Variants in HYCC1 observed in about 807,000 individuals in gnomAD.
HYCC1 encodes hyccin PI4KA lipid kinase complex subunit 1.
chr7:22,926,534 T>C, the HYCC1 span, among the ~76,000 whole-genome samples: 3 of 152,170 alleles, frequency 2.0e-5, no homozygotes, highest in African/African-American at 7.2e-5. Flanking sequence ...GTTCCAATCC[T>C]AGTCTCAGAT....
chr7:22,957,494 T>C, the HYCC1 span, among the ~76,000 whole-genome samples: 3 of 151,874 alleles, frequency 2.0e-5, no homozygotes, highest in South Asian at 6.2e-4. Flanking sequence ...AAAGGGCCAA[T>C]TGCTTTCTTC....
chr7:22,960,833 T>C, the HYCC1 span, among the ~76,000 whole-genome samples: 2 of 152,170 alleles, frequency 1.3e-5, no homozygotes, highest in African/African-American at 2.4e-5. Context: ...CCTGATCACC[T>C]GAGGTCGGGA....
the HYCC1 span, chr7:22,945,100 C>G: frequency 1.3e-5 from 2 of 158,776 alleles, no homozygotes; most frequent in African/African-American, 4.8e-5. Flanking sequence ...GGCTTCCTGA[C>G]CAGGAGCTAG....
At chr7:22,942,726 A>C in the HYCC1 span, 5 of 152,214 alleles carry the variant, frequency 3.3e-5, no homozygotes, top group Non-Finnish European at 7.3e-5. Context: ...TGTGACCATC[A>C]GCATCTTTAT....
At chr7:22,970,055 T>C in the HYCC1 span, among the ~76,000 whole-genome samples, 8 of 139,618 alleles carry the variant, frequency 5.7e-5, no homozygotes, top group African/African-American at 2.1e-4. Flanking sequence ...TGGTCACTCA[T>C]CTTTTAAACT....
the HYCC1 span, among the ~76,000 whole-genome samples, chr7:22,925,272 C>A: frequency 1.3e-5 from 2 of 152,132 alleles, no homozygotes; most frequent in Non-Finnish European, 2.9e-5. Context: ...AAAATCAGAG[C>A]GCCTCTCCTC....
chr7:22,956,975 T>A, the HYCC1 span, among the ~76,000 whole-genome samples: 1 of 151,904 alleles, frequency 6.6e-6, no homozygotes, highest in African/African-American at 2.4e-5. Context: ...TTGTGAATAA[T>A]TCTTAACCTT....
At chr7:22,917,729 C>A in the HYCC1 span, among the ~76,000 whole-genome samples, 2 of 152,202 alleles carry the variant, frequency 1.3e-5, no homozygotes, top group Non-Finnish European at 2.9e-5. Context: ...GTTTCTCAGG[C>A]TCTTGGTATT....
chr7:22,995,820 C>T, the HYCC1 span, among the ~76,000 whole-genome samples: 7 of 151,880 alleles, frequency 4.6e-5, no homozygotes, highest in East Asian at 1.9e-4. Context: ...AAAGAGAGTA[C>T]GGAAAGAGGA....
At chr7:22,898,619 T>C in the HYCC1 span, among the ~76,000 whole-genome samples, 1 of 143,726 alleles carries the variant, frequency 7.0e-6, no homozygotes, top group Non-Finnish European at 1.5e-5. Context: ...TTTTTTTTTT[T>C]TGAGACAGAG....
chr7:22,959,357 T>C, the HYCC1 span, among the ~76,000 whole-genome samples: 160 of 152,284 alleles, frequency 1.1e-3, no homozygotes, highest in African/African-American at 3.7e-3. Context: ...ATTTTCTCTA[T>C]AGAAACCACA....
the HYCC1 span, among the ~76,000 whole-genome samples, chr7:22,958,200 A>G: frequency 6.6e-6 from 1 of 152,084 alleles, no homozygotes; most frequent in Non-Finnish European, 1.5e-5. Flanking sequence ...TTTCAAATTC[A>G]GCCGAACATG....
At chr7:22,955,527 T>TA in the HYCC1 span, among the ~76,000 whole-genome samples, 1 of 151,654 alleles carries the variant, frequency 6.6e-6, no homozygotes, top group Non-Finnish European at 1.5e-5. Flanking sequence ...AACTATAACT[T>TA]AATTAGGGGA....
At chr7:22,954,974 T>C in the HYCC1 span, among the ~76,000 whole-genome samples, 1 of 151,524 alleles carries the variant, frequency 6.6e-6, no homozygotes, top group African/African-American at 2.4e-5. Context: ...ATTTTGTCTA[T>C]GTAATTTCTA....
chr7:22,960,464 A>G, the HYCC1 span: 1 of 1,437,296 alleles, frequency 7.0e-7, no homozygotes, highest in Non-Finnish European at 9.8e-7. Context: ...GATAGAGCAG[A>G]TATATTATCT....
the HYCC1 span, among the ~76,000 whole-genome samples, chr7:22,965,595 A>G: frequency 3.3e-4 from 42 of 126,148 alleles, no homozygotes; most frequent in South Asian, 2.6e-3. Flanking sequence ...CATGGAAACT[A>G]AAAAAAAAAA....
At chr7:22,934,964 C>T in the HYCC1 span, 1 of 152,168 alleles carries the variant, frequency 6.6e-6, no homozygotes, top group African/African-American at 2.4e-5. Context: ...ACCCCCTTAT[C>T]AGTTAGGGAA....
At chr7:22,989,024 C>A in the HYCC1 span, among the ~76,000 whole-genome samples, 3 of 152,228 alleles carry the variant, frequency 2.0e-5, no homozygotes, top group East Asian at 5.8e-4. Flanking sequence ...GGAAGGAGAT[C>A]AGTCATGGTT....
chr7:23,001,510 T>C, the HYCC1 span, among the ~76,000 whole-genome samples: 1 of 152,206 alleles, frequency 6.6e-6, no homozygotes, highest in Non-Finnish European at 1.5e-5. Context: ...AATTGAAAAG[T>C]AGGATATTTT....
Sources: gnomAD v4.1 joint callset for allele counts (sites outside exome capture counted in the v4.1 genomes callset) on GRCh38, gnomAD v4.1.1 for gene constraint, MANE v1.5 for transcripts, NCBI Gene and HGNC (gene_info 2026-07-23, HGNC 2026-07-21) for gene names.